The following HIRA variants were observed in gnomAD, a reference collection of about 807,000 sequenced individuals.
The protein encoded by HIRA is protein HIRA.
HIRA carries 13 observed loss-of-function variants against 126.6 expected under a neutral mutation model. The ratio of observed to expected loss-of-function variants is 0.10; its 90% confidence interval spans 0.07 to 0.16. HIRA has a LOEUF of 0.16. Among genes scored for constraint, HIRA ranks in the 10% least tolerant of loss-of-function variants. The pLI, the probability that HIRA is intolerant of heterozygous loss-of-function variation, is 1.00. For synonymous variants in HIRA, 511 were observed against 520.0 expected, an observed-to-expected ratio of 0.98 and a Z score of 0.24; for missense variants, 834 against 1,314.4, an observed-to-expected ratio of 0.63 and a Z score of 5.65.
At chr22:19,383,229 G>C (rs2089093033) in intron 13 of HIRA, among the ~76,000 whole-genome samples, 1 of 151,588 alleles carries the variant, frequency 6.6e-6, no homozygotes, top group Non-Finnish European at 1.5e-5. Context: ...TTCTTCTTTG[G>C]GCTTTTACTA....
chr22:19,339,015 C>T (rs1556006811), intron 24 of HIRA, among the ~76,000 whole-genome samples: 1 of 152,182 alleles, frequency 6.6e-6, no homozygotes, highest in African/African-American at 2.4e-5. Context: ...TTTTCATCAG[C>T]ACATGGAACA....
intron 2 of HIRA, 60 bp from the exon 3 acceptor site, chr22:19,408,653 T>A (rs937691177): frequency 1.2e-5 from 11 of 936,150 alleles, no homozygotes; most frequent in Middle Eastern, 4.3e-4. Context: ...ATATTAATAT[T>A]TAATGTCAAA....
chr22:19,419,612 G>A (rs1034528247), intron 1 of HIRA, among the ~76,000 whole-genome samples: 6 of 152,190 alleles, frequency 3.9e-5, no homozygotes, highest in Non-Finnish European at 7.3e-5. Context: ...CCACTAGAAT[G>A]TAAACTCCAG....
chr22:19,381,810 C>A (rs2089075712), intron 13 of HIRA, among the ~76,000 whole-genome samples: 1 of 152,172 alleles, frequency 6.6e-6, no homozygotes, highest in Non-Finnish European at 1.5e-5. Flanking sequence ...CTTCTCCATG[C>A]ACTAGAATAT....
chr22:19,356,107 T>A, intron 20 of HIRA, 123 bp downstream of exon 20: 1 of 923,628 alleles, frequency 1.1e-6, no homozygotes, highest in South Asian at 1.4e-5. Context: ...TAACCACACC[T>A]CCTGCCTCAC....
At chr22:19,385,488 C>T in intron 12 of HIRA, 33 bp downstream of exon 12, 1 of 1,596,226 alleles carries the variant, frequency 6.3e-7, no homozygotes, top group South Asian at 1.1e-5. Context: ...GGCATATGTC[C>T]ATGTCTTTAG....
At chr22:19,375,904 T>A in intron 14 of HIRA, 112 bp from the exon 15 acceptor site, 3 of 1,132,246 alleles carry the variant, frequency 2.6e-6, no homozygotes, top group South Asian at 3.1e-5. Context: ...CAAACTTCCA[T>A]AAACACAAAA....
At chr22:19,356,407 T>C in intron 19 of HIRA, 119 bp from the exon 20 acceptor site, 7 of 788,282 alleles carry the variant, frequency 8.9e-6, no homozygotes, top group Non-Finnish European at 1.3e-5. Context: ...CCTCTCCTAG[T>C]GAGAGGGGCT....
At chr22:19,384,422 A>G (rs1041171505) in intron 12 of HIRA, among the ~76,000 whole-genome samples, 1 of 151,004 alleles carries the variant, frequency 6.6e-6, no homozygotes, top group Non-Finnish European at 1.5e-5. Flanking sequence ...ATAACTTTTT[A>G]TATGTCAATT....
intron 15 of HIRA, among the ~76,000 whole-genome samples, chr22:19,363,854 G>A (rs1008555778): frequency 2.6e-5 from 4 of 152,034 alleles, no homozygotes; most frequent in Non-Finnish European, 5.9e-5. Flanking sequence ...GCCGAGATGC[G>A]ACTGTGCCAC....
intron 1 of HIRA, among the ~76,000 whole-genome samples, chr22:19,418,925 A>AACACACAC (rs66479451): frequency 2.7e-5 from 4 of 149,854 alleles, no homozygotes; most frequent in South Asian, 2.1e-4. Context: ...ATAAGAAATA[A>AACACACAC]ACACACACAC....
chr22:19,345,025 C>T (rs537118719), intron 24 of HIRA, among the ~76,000 whole-genome samples: 1 of 152,262 alleles, frequency 6.6e-6, no homozygotes, highest in African/African-American at 2.4e-5. Flanking sequence ...CAGCTAACAT[C>T]GTACTTAATG....
chr22:19,395,247 T>C (rs1398807981), intron 7 of HIRA, among the ~76,000 whole-genome samples: 2 of 152,154 alleles, frequency 1.3e-5, no homozygotes, highest in African/African-American at 4.8e-5. Flanking sequence ...GTTAAGATCA[T>C]GACCTCACAG....
At position 19,353,373 on chromosome 22, in the gene HIRA, C is replaced by T. The variant is rs1556011459; in HGVS notation, c.2831G>A (p.Arg944Gln). ...EYRHWLLVYA[R>Q]YLVNEGFEYR... ...AGCCTCACCTTCGTTTACGAGGTAC[C>T]GTGCGTAGACGAGGAGCCAATGGCG... The change falls in exon 23 of 25, where the codon CGG (arginine) becomes CAG (glutamine). Residue 944 changes from arginine to glutamine, a missense_variant. Coordinates refer to ENST00000263208, the MANE Select transcript of HIRA (RefSeq NM_003325.4). 1.1e-5 allele frequency: 17 copies of T among 1,612,644 alleles called. No homozygotes were observed. Among genetic ancestry groups the T allele is most frequent in the East Asian group, 8.9e-5 (4 of 44,880 alleles).
At chr22:19,339,255 A>T (rs1399558227) in intron 24 of HIRA, among the ~76,000 whole-genome samples, 2 of 152,246 alleles carry the variant, frequency 1.3e-5, no homozygotes, top group Non-Finnish European at 2.9e-5. Flanking sequence ...TATGAACTGA[A>T]TAATGACACA....
At chr22:19,353,799 A>G (rs1380447464) in intron 22 of HIRA, among the ~76,000 whole-genome samples, 197 bp downstream of exon 22, 1 of 152,168 alleles carries the variant, frequency 6.6e-6, no homozygotes, top group Non-Finnish European at 1.5e-5. Flanking sequence ...CCCAACCCCA[A>G]GATATTACCT....
At position 19,375,628 on chromosome 22, in the gene HIRA, T is replaced by C; in HGVS notation, c.1775+3A>G. The C allele has an allele frequency of 6.2e-7, 1 of 1,613,994 alleles. No individual in the cohort carries two copies. The highest frequency in any genetic ancestry group is 8.5e-7 in the Non-Finnish European group (1 of 1,179,890). ...CCTTCAGGGTCCTGCAGCTACCACC[T>C]ACCTTTCCACAGCTGTCGGAGTCAT... On this transcript the variant is annotated splice_donor_region_variant and intron_variant, in intron 15 of 24. Transcript: ENST00000263208.
intron 12 of HIRA, among the ~76,000 whole-genome samples, chr22:19,385,133 C>T (rs2013516): frequency 0.68 from 102,610 of 152,008 alleles, 34,915 homozygotes; most frequent in South Asian, 0.76. Context: ...ACCCTTTTCC[C>T]GCCCCATTTC....
Position 19,356,844 on chromosome 22 carries a change from G to A in HIRA, c.2396+46C>T, listed in dbSNP as rs374202016. On this transcript the variant is annotated intron_variant, in intron 19 of 24. Transcript: ENST00000263208. ...AGTGAGGTGGGGCCTACACAGCCCT[G>A]TCCTGCCCTGGCTGAAGCCCACCCC... is the stretch of plus-strand genomic sequence containing the variant. 17 of 1,596,640 alleles carry A rather than the reference G, an allele frequency of 1.1e-5. No homozygotes were observed. The African/African-American group carries it at 2.0e-4, about 19-fold the overall frequency.
Sources: allele counts gnomAD v4.1 joint callset (sites outside exome capture counted in the v4.1 genomes callset), GRCh38; gene constraint gnomAD v4.1.1; transcripts MANE v1.5; gene names NCBI Gene and HGNC (gene_info 2026-07-23, HGNC 2026-07-21).